SUSD5: variants seen among roughly 807,000 people sequenced by gnomAD.
SUSD5 encodes sushi domain containing 5.
Under a neutral mutation model 29.5 loss-of-function variants are expected in SUSD5, and 33 were observed. The ratio of observed to expected loss-of-function variants is 1.12; its 90% confidence interval spans 0.85 to 1.49. The LOEUF (loss-of-function observed/expected upper bound fraction) is 1.49, where lower values mean the gene tolerates loss of function less well. SUSD5 is among the 40% of genes most tolerant of loss of function. The pLI is 0.00. For synonymous variants in SUSD5, 308 were observed against 325.3 expected (o/e 0.95, Z 0.57); for missense variants, 776 against 800.6 (o/e 0.97, Z 0.37).
chr3:33,186,518 C>T (rs2031783009), intron 3 of SUSD5, among the ~76,000 whole-genome samples: 1 of 151,304 alleles, frequency 6.6e-6, no homozygotes, highest in South Asian at 2.1e-4. Context: ...CCTCCGCCTC[C>T]CCGGTTCAAG....
intron 4 of SUSD5, among the ~76,000 whole-genome samples, chr3:33,163,314 A>G (rs1223713093): frequency 1.3e-5 from 2 of 152,176 alleles, no homozygotes; most frequent in African/African-American, 2.4e-5. Context: ...GAATCCAGCA[A>G]TAAGTTAATG....
chr3:33,175,180 C>A, intron 3 of SUSD5, 106 bp from the exon 4 acceptor site: 1 of 1,229,346 alleles, frequency 8.1e-7, no homozygotes. Context: ...CCACCGTACC[C>A]TCAACTGTGA....
chr3:33,179,439 T>C (rs1232340277), intron 3 of SUSD5, among the ~76,000 whole-genome samples: 1 of 152,154 alleles, frequency 6.6e-6, no homozygotes, highest in Non-Finnish European at 1.5e-5. Flanking sequence ...AATGGTAATA[T>C]ACTAAAGGGG....
chr3:33,176,742 T>C (rs2031558775), intron 3 of SUSD5, among the ~76,000 whole-genome samples: 1 of 152,192 alleles, frequency 6.6e-6, no homozygotes, highest in Admixed American at 6.5e-5. Context: ...TACATTTAGG[T>C]CTATGGTCCA....
chr3:33,204,959 C>T lies in SUSD5; in HGVS notation c.409+2849G>A, dbSNP rs1559456432. 6.6e-6 allele frequency among the ~76,000 whole-genome samples: 1 copy of T among 151,932 alleles called. No individual in the cohort carries two copies. The highest frequency in any genetic ancestry group is 1.5e-5 in the Non-Finnish European group (1 of 67,998). Reference sequence around the variant, plus strand: ...GCTTTATCATTCTCTTCTCTCTCTTCCTCTCTCCACACCTCTTCCTCTCTC... The same window carrying T: ...GCTTTATCATTCTCTTCTCTCTCTTTCTCTCTCCACACCTCTTCCTCTCTC... On this transcript the variant is annotated intron_variant, in intron 3 of 4. Coordinates refer to ENST00000309558, the MANE Select transcript of SUSD5 (RefSeq NM_015551.2). The surrounding 1 kb of genome is among the most constrained non-coding windows in gnomAD (Gnocchi z 4.5).
chr3:33,193,236 C>A (rs2031932235), intron 3 of SUSD5, among the ~76,000 whole-genome samples: 1 of 152,120 alleles, frequency 6.6e-6, no homozygotes, highest in Non-Finnish European at 1.5e-5. Context: ...ATAACATGAT[C>A]CCCTTGGCGG....
chr3:33,218,713 G>T lies in SUSD5; in HGVS notation c.85C>A (p.Leu29Met). Residue 29 changes from leucine to methionine, a missense_variant, in exon 1 of 5, where the codon CTG (leucine) becomes ATG (methionine). Coordinates refer to ENST00000309558, the MANE Select transcript of SUSD5 (RefSeq NM_015551.2). ...TCCGCCCGCACCGAAAGGCGCGGCA[G>T]ACCGAGCAGGAGCAGCGCCGCCGCC... ...LWAAALLLLG[L>M]PRLSVRADGK... 7.5e-7 allele frequency: 1 copy of T among 1,325,478 alleles called. No homozygotes were observed. The highest frequency in any genetic ancestry group is 2.0e-5 in the South Asian group (1 of 50,534). The allele number at this position is 1,325,478 out of a possible 1,614,324, so 82.1% of individuals were successfully genotyped here. A position where few individuals can be genotyped will look rare whatever the true frequency, so the allele number is the denominator to read the frequency against.
rs1252393329 is a variant in SUSD5 at position 33,153,511 on chromosome 3, T to C, written c.1121A>G (p.Tyr374Cys). 1.4e-5 allele frequency: 22 copies of C among 1,613,878 alleles called. No homozygotes were observed. Among genetic ancestry groups the C allele is most frequent in the Admixed American group, 1.7e-5 (1 of 59,974 alleles). Residue 374 changes from tyrosine to cysteine, a missense_variant, in exon 5 of 5, where the codon TAC (tyrosine) becomes TGC (cysteine). By Grantham distance (194) the Tyr-to-Cys change is radical. Coordinates refer to ENST00000309558, the MANE Select transcript of SUSD5 (RefSeq NM_015551.2). ...SSSDESWLDG[Y>C]PVTEGAWRKT... ...CCTCCAAGCCCCCTCTGTCACAGGG[T>C]AGCCATCTAACCAGGACTCATCACT...
At chr3:33,197,196 G>A (rs1043918682) in intron 3 of SUSD5, among the ~76,000 whole-genome samples, 1 of 152,078 alleles carries the variant, frequency 6.6e-6, no homozygotes, top group Non-Finnish European at 1.5e-5. Flanking sequence ...ACTGGGAGGG[G>A]TGGGGACAGG....
At chr3:33,188,647 T>C (rs958131981) in intron 3 of SUSD5, among the ~76,000 whole-genome samples, 2 of 152,148 alleles carry the variant, frequency 1.3e-5, no homozygotes, top group Non-Finnish European at 2.9e-5. Context: ...ATCAAAAACC[T>C]ATCCTCAAAA....
chr3:33,192,112 C>T (rs912171631), intron 3 of SUSD5, among the ~76,000 whole-genome samples: 1 of 150,670 alleles, frequency 6.6e-6, no homozygotes, highest in Non-Finnish European at 1.5e-5. Flanking sequence ...CTTGCTCTGT[C>T]GCCTGGACTA....
At chr3:33,155,874 G>T (rs567670986) in intron 4 of SUSD5, among the ~76,000 whole-genome samples, 2 of 152,294 alleles carry the variant, frequency 1.3e-5, no homozygotes, top group South Asian at 4.1e-4. Flanking sequence ...CACTTGGGTA[G>T]GAGAGAAGGG....
At chr3:33,213,453 C>G (rs1435905082) in intron 2 of SUSD5, among the ~76,000 whole-genome samples, 1 of 152,098 alleles carries the variant, frequency 6.6e-6, no homozygotes, top group Non-Finnish European at 1.5e-5. Flanking sequence ...GATAAAAGAA[C>G]TATGACAGAA....
chr3:33,174,849 T>C (rs367962558), intron 4 of SUSD5, 37 bp downstream of exon 4: 21 of 1,608,560 alleles, frequency 1.3e-5, no homozygotes, highest in East Asian at 2.2e-5. Flanking sequence ...CAGCACTGCG[T>C]GGGCACGCGA....
intron 3 of SUSD5, among the ~76,000 whole-genome samples, chr3:33,195,281 C>T (rs1485268986): frequency 2.0e-5 from 3 of 152,246 alleles, no homozygotes; most frequent in Non-Finnish European, 2.9e-5. Context: ...ATAATTCCCT[C>T]GTTTTTGAAA....
intron 3 of SUSD5, among the ~76,000 whole-genome samples, chr3:33,194,653 T>C (rs1162653573): frequency 6.6e-6 from 1 of 151,938 alleles, no homozygotes; most frequent in African/African-American, 2.4e-5. Context: ...ACCAGTAGCC[T>C]TGGTGACAGT....
intron 4 of SUSD5, among the ~76,000 whole-genome samples, chr3:33,159,260 G>A (rs2031123392): frequency 1.3e-5 from 2 of 152,186 alleles, no homozygotes; most frequent in Non-Finnish European, 1.5e-5. Flanking sequence ...CAGATACCAA[G>A]ACTGATACTG....
chr3:33,159,860 C>T (rs567258929), intron 4 of SUSD5, among the ~76,000 whole-genome samples: 1 of 152,268 alleles, frequency 6.6e-6, no homozygotes, highest in South Asian at 2.1e-4. Flanking sequence ...ATTTCAGAAA[C>T]TAGTTACCAA....
At chr3:33,158,887 C>T (rs887681282) in intron 4 of SUSD5, among the ~76,000 whole-genome samples, 29 of 152,196 alleles carry the variant, frequency 1.9e-4, no homozygotes, top group Admixed American at 6.5e-5. Flanking sequence ...TCTTTCCACA[C>T]GTCATTTTAC....
Sources: gnomAD v4.1 joint callset for allele counts (sites outside exome capture counted in the v4.1 genomes callset) on GRCh38, gnomAD v4.1.1 for gene constraint, Gnocchi (gnomAD v3.1) non-coding constraint, MANE v1.5 for transcripts, NCBI Gene and HGNC (gene_info 2026-07-23, HGNC 2026-07-21) for gene names.